Variants in CSMD1 observed in about 807,000 individuals in gnomAD.
CSMD1 encodes CUB and Sushi multiple domains 1.
CSMD1 carries 213 observed loss-of-function variants against 417.5 expected under a neutral mutation model. That is an observed-to-expected ratio of 0.51 (90% CI 0.46 to 0.57). The LOEUF (loss-of-function observed/expected upper bound fraction) is 0.57, where lower values mean the gene tolerates loss of function less well. Among genes scored for constraint, CSMD1 ranks in the 20% least tolerant of loss-of-function variants. The pLI is 0.00. For missense variants in CSMD1, 6,923 were observed against 4,529.7 expected, an observed-to-expected ratio of 1.53 and a Z score of -15.17; for synonymous variants, 2,862 against 1,736.8, an observed-to-expected ratio of 1.65 and a Z score of -16.11.
At chr8:3,833,954 T>C (rs978746996) in intron 5 of CSMD1, among the ~76,000 whole-genome samples, 8 of 152,194 alleles carry the variant, frequency 5.3e-5, no homozygotes, top group African/African-American at 1.9e-4. Flanking sequence ...GCTGTTGTTA[T>C]TCTTTCAATT....
intron 3 of CSMD1, among the ~76,000 whole-genome samples, chr8:4,413,777 T>C (rs1219307941): frequency 1.3e-5 from 2 of 151,846 alleles, no homozygotes; most frequent in Admixed American, 1.3e-4. Context: ...AAACGAGAGA[T>C]TTCGGTAGCT....
At chr8:4,215,611 GT>G (rs983520591) in intron 3 of CSMD1, among the ~76,000 whole-genome samples, 10 of 151,798 alleles carry the variant, frequency 6.6e-5, no homozygotes, top group African/African-American at 2.4e-4. Flanking sequence ...GCAAAAACAT[GT>G]TTACTTTGAA....
chr8:4,504,938 A>T (rs1421569358), intron 2 of CSMD1, among the ~76,000 whole-genome samples: 1 of 152,170 alleles, frequency 6.6e-6, no homozygotes, highest in Non-Finnish European at 1.5e-5. Context: ...TGCTGCAGTA[A>T]ACATACGTGT....
intron 22 of CSMD1, 23 bp from the exon 23 acceptor site, chr8:3,343,473 G>C: frequency 1.9e-6 from 3 of 1,604,022 alleles, no homozygotes; most frequent in Non-Finnish European, 1.7e-6. Context: ...CACAGCATGA[G>C]TCCCTCTATG....
chr8:3,738,728 C>T (rs561193297), intron 6 of CSMD1, among the ~76,000 whole-genome samples: 1 of 152,150 alleles, frequency 6.6e-6, no homozygotes, highest in Non-Finnish European at 1.5e-5. Context: ...GGTCACCAAC[C>T]CTAATTTCAA....
intron 3 of CSMD1, among the ~76,000 whole-genome samples, chr8:4,319,799 A>C (rs1246013086): frequency 1.3e-5 from 2 of 152,112 alleles, no homozygotes; most frequent in Non-Finnish European, 2.9e-5. Flanking sequence ...AGAGAGCTTC[A>C]CAAGAGATGT....
chr8:4,178,549 C>G (rs562342139), intron 3 of CSMD1, among the ~76,000 whole-genome samples: 2 of 151,250 alleles, frequency 1.3e-5, no homozygotes, highest in South Asian at 4.2e-4. Context: ...CTCACCACTC[C>G]TATTCAACAT....
At chr8:3,627,148 C>A (rs543850821) in intron 7 of CSMD1, among the ~76,000 whole-genome samples, 5 of 152,070 alleles carry the variant, frequency 3.3e-5, no homozygotes, top group South Asian at 4.1e-4. Flanking sequence ...AAATTTAATT[C>A]TCTTAGAATA....
At chr8:4,255,186 G>C (rs1260207678) in intron 3 of CSMD1, among the ~76,000 whole-genome samples, 1 of 152,200 alleles carries the variant, frequency 6.6e-6, no homozygotes, top group Non-Finnish European at 1.5e-5. Flanking sequence ...GAAAGAGCAT[G>C]ATGGGTGCCA....
rs892632764 is a variant in CSMD1 at position 3,284,456 on chromosome 8, G to C, written c.3951-110C>G. ...GCTTTCACACAACCCCCACCAACAT[G>C]TGCCTCGGTACTTACTGTCTGACAA... On this transcript the variant is annotated intron_variant, in intron 25 of 69. Coordinates refer to ENST00000635120, the MANE Select transcript of CSMD1 (RefSeq NM_033225.6). The C allele has an allele frequency of 6.8e-6, 5 of 740,694 alleles. No individual in the cohort carries two copies. The African/African-American group carries it at 6.9e-5, about 10-fold the overall frequency. 45.9% of individuals were successfully genotyped at this position (740,694 alleles called of 1,614,324 possible). A position where few individuals can be genotyped will look rare whatever the true frequency, so the allele number is the denominator to read the frequency against.
intron 3 of CSMD1, among the ~76,000 whole-genome samples, chr8:4,391,157 A>C (rs1359704061): frequency 6.6e-6 from 1 of 152,188 alleles, no homozygotes; most frequent in Non-Finnish European, 1.5e-5. Flanking sequence ...TGCTCAGGCA[A>C]GTATGGCAAG....
At chr8:3,524,226 C>G (rs1474904431) in intron 10 of CSMD1, among the ~76,000 whole-genome samples, 2 of 151,556 alleles carry the variant, frequency 1.3e-5, no homozygotes, top group Non-Finnish European at 2.9e-5. Flanking sequence ...AATATGCACA[C>G]ACATACACAC....
At chr8:4,539,088 G>C (rs1209341941) in intron 2 of CSMD1, among the ~76,000 whole-genome samples, 3 of 152,118 alleles carry the variant, frequency 2.0e-5, no homozygotes, top group Non-Finnish European at 2.9e-5. Context: ...TTTCTTTTTA[G>C]AAATGTTACA....
intron 33 of CSMD1, 119 bp from the exon 34 acceptor site, chr8:3,190,234 C>T: frequency 1.4e-6 from 1 of 698,634 alleles, no homozygotes; most frequent in Middle Eastern, 2.7e-4. Context: ...AATTTAATAA[C>T]GACTCCAACA....
At chr8:3,981,585 A>C (rs1021507859) in intron 5 of CSMD1, among the ~76,000 whole-genome samples, 2 of 150,326 alleles carry the variant, frequency 1.3e-5, no homozygotes, top group Non-Finnish European at 3.0e-5. Context: ...ATCACTCATA[A>C]TTTTTCCTTT....
chr8:4,419,175 C>A (rs1053951487), intron 3 of CSMD1, among the ~76,000 whole-genome samples: 2 of 152,122 alleles, frequency 1.3e-5, no homozygotes, highest in African/African-American at 4.8e-5. Flanking sequence ...ACACCCCTAA[C>A]GATAGATTGC....
At chr8:3,844,801 G>C (rs1803383427) in intron 5 of CSMD1, among the ~76,000 whole-genome samples, 1 of 152,164 alleles carries the variant, frequency 6.6e-6, no homozygotes, top group African/African-American at 2.4e-5. Context: ...TCTGTTCATA[G>C]AAGAATCAGA....
chr8:4,022,721 G>T (rs974562660), intron 4 of CSMD1, among the ~76,000 whole-genome samples: 1 of 152,138 alleles, frequency 6.6e-6, no homozygotes, highest in Non-Finnish European at 1.5e-5. Context: ...GTGGTGAAGT[G>T]ACAACTCACT....
chr8:3,897,836 C>T (rs1807466679), intron 5 of CSMD1, among the ~76,000 whole-genome samples: 1 of 152,098 alleles, frequency 6.6e-6, no homozygotes, highest in East Asian at 1.9e-4. Context: ...TTCTCATTAG[C>T]CTGAGGATAT....
Sources: gnomAD v4.1 joint callset for allele counts (sites outside exome capture counted in the v4.1 genomes callset) on GRCh38, gnomAD v4.1.1 for gene constraint, MANE v1.5 for transcripts, NCBI Gene and HGNC (gene_info 2026-07-23, HGNC 2026-07-21) for gene names.